Variants in ASPM observed in about 807,000 individuals in gnomAD.
The protein encoded by ASPM is abnormal spindle-like microcephaly-associated protein.
Under a neutral mutation model 366.4 loss-of-function variants are expected in ASPM, and 256 were observed. The observed-to-expected ratio is 0.70, with a 90% CI of 0.63 to 0.77. ASPM has a LOEUF of 0.77. ASPM is among the 30% of genes least tolerant of loss of function. ASPM has a pLI of 0.00. For missense variants in ASPM, 4,146 were observed against 4,090.4 expected, an observed-to-expected ratio of 1.01 and a Z score of -0.37; for synonymous variants, 1,414 against 1,342.9, an observed-to-expected ratio of 1.05 and a Z score of -1.16.
At chr1:197,139,627 C>T (rs1369379586) in intron 4 of ASPM, 140 bp downstream of exon 4, 5 of 752,746 alleles carry the variant, frequency 6.6e-6, no homozygotes, top group South Asian at 3.0e-5. Context: ...GACACAATAT[C>T]CTGTCATTTT....
At chr1:197,145,063 G>C (rs1348876874) in intron 1 of ASPM, among the ~76,000 whole-genome samples, 2 of 152,256 alleles carry the variant, frequency 1.3e-5, no homozygotes, top group South Asian at 4.1e-4. Context: ...TGAAACAGAG[G>C]GGCGGGGTGG....
At chr1:197,114,663 T>C (rs1657690919) in intron 17 of ASPM, among the ~76,000 whole-genome samples, 1 of 152,238 alleles carries the variant, frequency 6.6e-6, no homozygotes, top group Non-Finnish European at 1.5e-5. Context: ...TGCCTTGAAT[T>C]TCCAGGCTCA....
chr1:197,107,167 G>C (rs919446899), intron 17 of ASPM, among the ~76,000 whole-genome samples: 38 of 152,032 alleles, frequency 2.5e-4, no homozygotes, highest in Admixed American at 1.1e-3. Context: ...GAAGCAATCT[G>C]ATAATGTTGT....
rs1394267238 is a variant in ASPM, at chr1:197,092,163, T to G, written c.9295-107A>C. On this transcript the variant is annotated intron_variant, in intron 21 of 27. Coordinates refer to ENST00000367409, the MANE Select transcript of ASPM (RefSeq NM_018136.5). ...ATCAAATTATATAAACTAGCAAGAATAAACTAATTTTTAATCATTACAATT... is the reference window on the plus strand; with the variant it reads ...ATCAAATTATATAAACTAGCAAGAAGAAACTAATTTTTAATCATTACAATT... The G allele has an allele frequency of 8.5e-6, 9 of 1,061,812 alleles. No individual in the cohort carries two copies. The East Asian group carries it at 2.3e-4, about 27-fold the overall frequency. The allele number at this position is 1,061,812 out of a possible 1,614,324, so 65.8% of individuals were successfully genotyped here. A position where few individuals can be genotyped will look rare whatever the true frequency, so the allele number is the denominator to read the frequency against.
chr1:197,103,552 G>A lies in ASPM; in HGVS notation c.5699C>T (p.Ala1900Val). ...VRKQIRREHQ[A>V]ALKIQSAFRM... is the part of the protein sequence containing the mutation. ...AAAAGCAGACTGAATCTTCAAGGCA[G>A]CTTGATGTTCCCTTCTAATCTGTTT... The change falls in exon 18 of 28, where the codon GCT becomes GTT. Residue 1900 changes from alanine (A) to valine (V), a missense_variant. Ala to Val is a moderately conservative substitution (Grantham distance 64). Around this residue, in one of 3 missense-constraint regions of ASPM, gnomAD observed 3,624 missense variants for 3,591.7 expected, o/e 1.01. Coordinates refer to ENST00000367409, the MANE Select transcript of ASPM (RefSeq NM_018136.5). 1 of 1,613,084 alleles carries A rather than the reference G, an allele frequency of 6.2e-7. No homozygotes were observed.
intron 17 of ASPM, among the ~76,000 whole-genome samples, chr1:197,115,414 CTGTTAA>C (rs1204637883): frequency 6.6e-6 from 1 of 152,138 alleles, no homozygotes; most frequent in East Asian, 1.9e-4. Flanking sequence ...TTCCAAACTC[CTGTTAA>C]TGTTGATATT....
rs1449219308 is a variant in ASPM, at chr1:197,103,153, C to G, written c.6098G>C (p.Gly2033Ala). ...AVVTLQSAYR[G>A]MKVRKRIKDC... ...CTTTATTCTTTTTCTCACTTTCATA[C>G]CACGATAAGCTGACTGTAAAGTTAC... The change falls in exon 18 of 28, where the codon GGT becomes GCT. Residue 2033 changes from glycine (G) to alanine (A), a missense_variant. Around this residue, in one of 3 missense-constraint regions of ASPM, gnomAD observed 3,624 missense variants for 3,591.7 expected, o/e 1.01. Transcript: ENST00000367409. 1.2e-6 allele frequency: 2 copies of G among 1,612,596 alleles called. No individual in the cohort carries two copies. The highest frequency in any genetic ancestry group is 1.7e-6 in the Non-Finnish European group (2 of 1,179,344).
In ASPM at chr1:197,102,333, T is replaced by A. The variant is rs1297455857; in HGVS notation, c.6918A>T (p.Leu2306Phe). 2 of 1,612,538 alleles carry A rather than the reference T, an allele frequency of 1.2e-6. No individual in the cohort carries two copies. Among genetic ancestry groups the A allele is most frequent in the African/African-American group, 1.3e-5 (1 of 74,774 alleles). ...YRAHLCTKHH[L>F]QFLQVQNAVI... ...CTGCATTTTGTACCTGAAGGAACTG[T>A]AAGTGATGCTTTGTACAAAGATGTG... is the stretch of plus-strand genomic sequence containing the variant. The change falls in exon 18 of 28, where the codon TTA becomes TTT. Residue 2306 changes from leucine (L) to phenylalanine (F), a missense_variant. Around this residue, in one of 3 missense-constraint regions of ASPM, gnomAD observed 3,624 missense variants for 3,591.7 expected, o/e 1.01. Transcript: ENST00000367409.
At chr1:197,108,538 CCA>C (rs1462298470) in intron 17 of ASPM, among the ~76,000 whole-genome samples, 1 of 151,850 alleles carries the variant, frequency 6.6e-6, no homozygotes, top group Non-Finnish European at 1.5e-5. Context: ...TACAGACTAC[CCA>C]GGCATCAAAA....
rs558778372 is a variant in ASPM, at chr1:197,103,594, C to A, written c.5657G>T (p.Arg1886Leu). ...AAVISLQSAY[R>L]GWKVRKQIRR... ...AATCTGTTTCCGAACCTTCCAGCCA[C>A]GATAAGCAGACTGGAGGGAAATCAC... Residue 1886 changes from arginine (R) to leucine (L), a missense_variant, in exon 18 of 28, where the codon CGT (arginine) becomes CTT (leucine). Arg to Leu is a moderately radical substitution (Grantham distance 102, BLOSUM62 -2). Around this residue, in one of 3 missense-constraint regions of ASPM, gnomAD observed 3,624 missense variants for 3,591.7 expected, o/e 1.01. Coordinates refer to ENST00000367409, the MANE Select transcript of ASPM (RefSeq NM_018136.5). 2 of 1,612,746 alleles carry A rather than the reference C, an allele frequency of 1.2e-6. No homozygotes were observed. Among genetic ancestry groups the A allele is most frequent in the Non-Finnish European group, 1.7e-6 (2 of 1,179,452 alleles).
intron 4 of ASPM, among the ~76,000 whole-genome samples, chr1:197,135,629 T>TG (rs1470876350): frequency 3.3e-5 from 5 of 151,050 alleles, no homozygotes; most frequent in Non-Finnish European, 3.0e-5. Flanking sequence ...CTGTCTTTTT[T>TG]TTTTTTTTTT....
At chr1:197,118,625 AT>A (rs1313166925) in intron 16 of ASPM, among the ~76,000 whole-genome samples, 2 of 152,256 alleles carry the variant, frequency 1.3e-5, no homozygotes, top group African/African-American at 4.8e-5. Context: ...ATTGCTGTAA[AT>A]AATAACATAT....
intron 23 of ASPM, 46 bp downstream of exon 23, chr1:197,090,804 A>T (rs1553326104): frequency 1.3e-6 from 2 of 1,546,846 alleles, no homozygotes; most frequent in South Asian, 2.2e-5. Flanking sequence ...ATGTAGATGA[A>T]TTGCAAACTA....
At chr1:197,096,273 T>A (rs1424619399) in intron 18 of ASPM, 109 bp from the exon 19 acceptor site, 1 of 935,924 alleles carries the variant, frequency 1.1e-6, no homozygotes, top group Non-Finnish European at 1.7e-6. Context: ...CAGACAAAAA[T>A]AAATTGCATA....
rs143680877 is a variant in ASPM, at chr1:197,124,882, C to A, written c.3156G>T (p.Ala1052=). 6.2e-7 allele frequency: 1 copy of A among 1,604,560 alleles called. No individual in the cohort carries two copies. Among genetic ancestry groups the A allele is most frequent in the African/African-American group, 1.3e-5 (1 of 74,732 alleles). ...EKTLRLLWKI[A]FAFQVDISLN... is the part of the protein sequence containing the mutation. ...AAATGTATAATACCTGAAAAGCAAA[C>A]GCTATTTTCCAAAGCAACCTGAGAG... The change falls in exon 12 of 28, where the codon GCG becomes GCT. Residue 1052 remains alanine, a synonymous_variant. Coordinates refer to ENST00000367409, the MANE Select transcript of ASPM (RefSeq NM_018136.5).
chr1:197,123,051 G>GA lies in ASPM; in HGVS notation c.3391-457_3391-456insT, dbSNP rs1657968902. Among the ~76,000 whole-genome samples the GA allele has an allele frequency of 2.0e-5, 3 of 152,114 alleles. No individual in the cohort carries two copies. In the South Asian group the frequency reaches 6.2e-4, roughly 31 times the overall value. ...CAATCCGCACATAACCTTGTTCACAGGTGTTTCTGATTCAATAACACTAAC... is the reference window on the plus strand; with the variant it reads ...CAATCCGCACATAACCTTGTTCACAGAGTGTTTCTGATTCAATAACACTAAC... On this transcript the variant is annotated intron_variant, in intron 13 of 27. Coordinates refer to ENST00000367409, the MANE Select transcript of ASPM (RefSeq NM_018136.5).
chr1:197,102,325 AGGAACTG>A lies in ASPM; in HGVS notation c.6919_6925del (p.Gln2307PhefsTer18). 6.2e-7 allele frequency: 1 copy of A among 1,612,728 alleles called. No homozygotes were observed. Among genetic ancestry groups the A allele is most frequent in the Non-Finnish European group, 8.5e-7 (1 of 1,179,246 alleles). ...TTTAATAACTGCATTTTGTACCTGA[AGGAACTG>A]TAAGTGATGCTTTGTACAAAGATGT... On this transcript the variant is annotated frameshift_variant, in exon 18 of 28. Coordinates refer to ENST00000367409, the MANE Select transcript of ASPM (RefSeq NM_018136.5). LOFTEE classifies it high-confidence loss of function.
chr1:197,096,302 T>C (rs1354063392), intron 18 of ASPM, 138 bp from the exon 19 acceptor site: 2 of 755,200 alleles, frequency 2.6e-6, no homozygotes. Flanking sequence ...ATGACTCTTT[T>C]AGACTTTGAC....
chr1:197,146,653 T>G lies in ASPM; in HGVS notation c.-216A>C, dbSNP rs999543055. 12 of 607,622 alleles carry G rather than the reference T, an allele frequency of 2.0e-5. No individual in the cohort carries two copies. Among genetic ancestry groups the G allele is most frequent in the Non-Finnish European group, 2.9e-5 (10 of 347,288 alleles). 37.6% of individuals were successfully genotyped at this position (607,622 alleles called of 1,614,324 possible). On this transcript the variant is annotated 5_prime_UTR_variant, in exon 1 of 28. Coordinates refer to ENST00000367409, the MANE Select transcript of ASPM (RefSeq NM_018136.5). ...AAATTAAAAAGAGGAGCCAAACAAGTATGGCGTTTTGACTCTGTTTAAACT... is the reference window on the plus strand; with the variant it reads ...AAATTAAAAAGAGGAGCCAAACAAGGATGGCGTTTTGACTCTGTTTAAACT...
Sources: gnomAD v4.1 joint callset for allele counts (sites outside exome capture counted in the v4.1 genomes callset) on GRCh38, gnomAD v4.1.1 for gene constraint, gnomAD v4.1.1 regional missense constraint, MANE v1.5 for transcripts, NCBI Gene and HGNC (gene_info 2026-07-23, HGNC 2026-07-21) for gene names.